The following RELN variants were observed in gnomAD, a reference collection of about 807,000 sequenced individuals.
RELN encodes the protein reelin.
A neutral mutation model predicts 427.6 loss-of-function variants in RELN; 108 were observed. The observed-to-expected ratio is 0.25, with a 90% CI of 0.22 to 0.30. The LOEUF is 0.30. Ranked by LOEUF, RELN falls within the 10% of genes least tolerant of loss-of-function variation. The pLI, the probability that RELN is intolerant of heterozygous loss-of-function variation, is 1.00. For missense variants in RELN, 3,715 were observed against 4,302.8 expected, an observed-to-expected ratio of 0.86 and a Z score of 3.82; for synonymous variants, 1,524 against 1,513.4, an observed-to-expected ratio of 1.01 and a Z score of -0.16.
intron 51 of RELN, among the ~76,000 whole-genome samples, chr7:103,509,767 C>T (rs1253182153): frequency 6.6e-6 from 1 of 151,712 alleles, no homozygotes; most frequent in Non-Finnish European, 1.5e-5. Context: ...GGGCTAATAT[C>T]CAGAATCTAC....
chr7:103,561,974 A>AC, intron 34 of RELN, 21 bp from the exon 35 acceptor site: 1 of 1,604,644 alleles, frequency 6.2e-7, no homozygotes, highest in East Asian at 2.3e-5. Context: ...AAAAAAAAAA[A>AC]AAAACACACC....
chr7:103,503,911 A>C (rs1163295158), intron 51 of RELN, among the ~76,000 whole-genome samples: 9 of 151,502 alleles, frequency 5.9e-5, no homozygotes, highest in Non-Finnish European at 3.0e-5. Context: ...AAAAAAAAAA[A>C]AAAAAAACTA....
intron 63 of RELN, among the ~76,000 whole-genome samples, chr7:103,480,765 ATTATTCC>A (rs1317766377): frequency 6.6e-6 from 1 of 152,232 alleles, no homozygotes; most frequent in East Asian, 1.9e-4. Flanking sequence ...TAATTTTTAA[ATTATTCC>A]TGAAAGAAGA....
At chr7:103,710,090 G>A (rs1789755889) in intron 8 of RELN, among the ~76,000 whole-genome samples, 1 of 152,170 alleles carries the variant, frequency 6.6e-6, no homozygotes, top group Non-Finnish European at 1.5e-5. Flanking sequence ...GTTTGTCATA[G>A]ACAGAAGAGG....
Position 103,565,432 on chromosome 7 carries a change from A to C in RELN, c.5056T>G (p.Tyr1686Asp). The change falls in exon 34 of 65, where the codon TAT (tyrosine) becomes GAT (aspartate). Residue 1686 changes from tyrosine (Y) to aspartate (D), a missense_variant. Physicochemically the swap from Tyr to Asp is radical, Grantham distance 160. Coordinates refer to ENST00000428762, the MANE Select transcript of RELN (RefSeq NM_005045.4). The part of the protein sequence containing the change: ...FSNSHSVQLQ[Y>D]SLNNGKDWHL... ...CAGTCCTTGCCATTGTTCAGAGAATACTGGAGCTGTACACTGTGGGAGTTG... is the reference window on the plus strand; with the variant it reads ...CAGTCCTTGCCATTGTTCAGAGAATCCTGGAGCTGTACACTGTGGGAGTTG... 6.2e-7 allele frequency: 1 copy of C among 1,614,036 alleles called. No homozygotes were observed. Among genetic ancestry groups the C allele is most frequent in the Non-Finnish European group, 8.5e-7 (1 of 1,179,976 alleles).
intron 13 of RELN, among the ~76,000 whole-genome samples, chr7:103,653,820 G>C (rs566882815): frequency 6.6e-6 from 1 of 152,142 alleles, no homozygotes; most frequent in East Asian, 1.9e-4. Flanking sequence ...GGGCTTTCTT[G>C]GGGACAAGAA....
At chr7:103,790,737 G>A (rs1257684037) in intron 3 of RELN, among the ~76,000 whole-genome samples, 1 of 152,132 alleles carries the variant, frequency 6.6e-6, no homozygotes, top group Non-Finnish European at 1.5e-5. Context: ...GCTGAGGCGG[G>A]TGGATCATGA....
At chr7:103,489,351 C>A (rs1454639195) in intron 60 of RELN, among the ~76,000 whole-genome samples, 9 of 151,940 alleles carry the variant, frequency 5.9e-5, no homozygotes, top group Admixed American at 5.9e-4. Context: ...TATGTAGGCA[C>A]AGGCAGCTAG....
chr7:103,831,460 A>T (rs1387527015), intron 3 of RELN, among the ~76,000 whole-genome samples: 2 of 151,022 alleles, frequency 1.3e-5, no homozygotes, highest in African/African-American at 4.9e-5. Flanking sequence ...CTTAATTCAA[A>T]TAAGTATATA....
chr7:103,800,773 T>A (rs951936726), intron 3 of RELN, among the ~76,000 whole-genome samples: 1 of 152,124 alleles, frequency 6.6e-6, no homozygotes, highest in Non-Finnish European at 1.5e-5. Flanking sequence ...CAAAAGAAAC[T>A]ACCATCAGAA....
chr7:103,566,543 G>T, intron 32 of RELN, 58 bp downstream of exon 32: 1 of 1,601,590 alleles, frequency 6.2e-7, no homozygotes, highest in Non-Finnish European at 8.6e-7. Flanking sequence ...GTGCAAGGTG[G>T]GTATGGATAC....
intron 27 of RELN, 97 bp downstream of exon 27, chr7:103,593,585 A>T: frequency 9.4e-7 from 1 of 1,060,444 alleles, no homozygotes; most frequent in Non-Finnish European, 1.5e-6. Context: ...TCTTTAATAG[A>T]ATATGAAAAA....
chr7:103,875,692 T>C (rs959389499), intron 2 of RELN, among the ~76,000 whole-genome samples: 1 of 152,036 alleles, frequency 6.6e-6, no homozygotes, highest in Non-Finnish European at 1.5e-5. Context: ...TACATAAGAC[T>C]TAGGGATTTT....
intron 33 of RELN, 41 bp downstream of exon 33, chr7:103,566,183 G>T: frequency 6.6e-7 from 1 of 1,517,474 alleles, no homozygotes; most frequent in Non-Finnish European, 9.1e-7. Flanking sequence ...TAGTCCTCTA[G>T]TTAATCAGAT....
Position 103,573,234 on chromosome 7 carries a change from T to C in RELN, c.4511+858A>G, listed in dbSNP as rs1830924242. 6.6e-6 allele frequency among the ~76,000 whole-genome samples: 1 copy of C among 152,208 alleles called. No homozygotes were observed. On this transcript the variant is annotated intron_variant, in intron 30 of 64. Coordinates refer to ENST00000428762, the MANE Select transcript of RELN (RefSeq NM_005045.4). The surrounding 1 kb of genome is among the most constrained non-coding windows in gnomAD (Gnocchi z 4.4). ...GGCATTACAGGTGTGAGCTACCGCATCCAGCCAAGATGAGGAAAAATCTAA... is the reference window on the plus strand; with the variant it reads ...GGCATTACAGGTGTGAGCTACCGCACCCAGCCAAGATGAGGAAAAATCTAA...
chr7:103,652,674 C>G lies in RELN; in HGVS notation c.1640G>C (p.Gly547Ala). The change falls in exon 14 of 65, where the codon GGA (glycine) becomes GCA (alanine). Residue 547 changes from glycine to alanine, a missense_variant. Coordinates refer to ENST00000428762, the MANE Select transcript of RELN (RefSeq NM_005045.4). The part of the protein sequence containing the change: ...KFCLRQKNHQ[G>A]HNRNVWAVDF... ...TACAGCCCAGACATTCCTATTATGT[C>G]CTTGATGGTTCTTTTGCCTGAGACA... The G allele has an allele frequency of 6.2e-7, 1 of 1,612,948 alleles. No individual in the cohort carries two copies. Among genetic ancestry groups the G allele is most frequent in the South Asian group, 1.1e-5 (1 of 91,066 alleles).
intron 1 of RELN, among the ~76,000 whole-genome samples, chr7:103,971,270 C>T (rs1215187515): frequency 1.3e-5 from 2 of 151,322 alleles, no homozygotes; most frequent in Non-Finnish European, 1.5e-5. Flanking sequence ...TCCATATAAA[C>T]GAAACAACTG....
intron 2 of RELN, among the ~76,000 whole-genome samples, chr7:103,859,467 GT>G (rs1794021991): frequency 6.6e-6 from 1 of 151,938 alleles, no homozygotes; most frequent in Non-Finnish European, 1.5e-5. Context: ...CTAATTTTTT[GT>G]ATTTTTAGTA....
intron 41 of RELN, among the ~76,000 whole-genome samples, chr7:103,546,993 A>G (rs931545212): frequency 6.6e-6 from 1 of 152,320 alleles, no homozygotes; most frequent in Admixed American, 6.5e-5. Context: ...AATAATCTAC[A>G]TATTTAGGTA....
Sources: allele counts gnomAD v4.1 joint callset (sites outside exome capture counted in the v4.1 genomes callset), GRCh38; gene constraint gnomAD v4.1.1; non-coding constraint Gnocchi (gnomAD v3.1); transcripts MANE v1.5; gene names NCBI Gene and HGNC (gene_info 2026-07-23, HGNC 2026-07-21).